The following NFX1 variants were observed in gnomAD, a reference collection of about 807,000 sequenced individuals.
NFX1 encodes the protein nuclear transcription factor, X-box binding 1.
In NFX1, 69 loss-of-function variants were observed where a neutral mutation model predicts 137.2. That is an observed-to-expected ratio of 0.50 (90% CI 0.41 to 0.61). The LOEUF (loss-of-function observed/expected upper bound fraction) is 0.61. Among genes scored for constraint, NFX1 ranks in the 20% least tolerant of loss-of-function variants. NFX1 has a pLI of 0.00. For synonymous variants in NFX1, 495 were observed against 474.1 expected (o/e 1.04, Z -0.57); for missense variants, 1,167 against 1,391.0 (o/e 0.84, Z 2.56).
intron 9 of NFX1, among the ~76,000 whole-genome samples, chr9:33,319,597 A>C (rs752331742): frequency 2.6e-5 from 4 of 151,652 alleles, no homozygotes; most frequent in Admixed American, 6.6e-5. Flanking sequence ...GCAGCCTCTG[A>C]CTCCTGGGCT....
chr9:33,355,425 A>G (rs1037333630), intron 19 of NFX1, among the ~76,000 whole-genome samples: 1 of 152,188 alleles, frequency 6.6e-6, no homozygotes, highest in South Asian at 2.1e-4. Flanking sequence ...TTTGAACTTT[A>G]TGTAAGTGAT....
chr9:33,313,181 A>G lies in NFX1; in HGVS notation c.1449-473A>G, dbSNP rs548811336. Among the ~76,000 whole-genome samples the G allele has an allele frequency of 2.6e-5, 4 of 152,280 alleles. 1 individual carries two copies. The highest frequency in any genetic ancestry group is 9.6e-5 in the African/African-American group (4 of 41,546). On this transcript the variant is annotated intron_variant, in intron 6 of 23. Transcript: ENST00000379540. ...CTCCTTACGCATGCTGCTTCATGGA[A>G]CTCAGAGATGAAATCACATAAAGCA...
intron 14 of NFX1, among the ~76,000 whole-genome samples, chr9:33,345,090 A>G (rs1823367952): frequency 6.6e-6 from 1 of 152,028 alleles, no homozygotes. Flanking sequence ...TGAATCCGGG[A>G]GGCAGAGGTT....
intron 9 of NFX1, among the ~76,000 whole-genome samples, chr9:33,319,574 A>G (rs1030377624): frequency 2.6e-5 from 4 of 152,096 alleles, no homozygotes; most frequent in Admixed American, 1.3e-4. Context: ...CAGTGGTAGG[A>G]TCTCAGCTCA....
intron 12 of NFX1, among the ~76,000 whole-genome samples, chr9:33,340,566 T>C (rs1823183888): frequency 6.6e-6 from 1 of 152,254 alleles, no homozygotes; most frequent in Non-Finnish European, 1.5e-5. Flanking sequence ...TTGTCACTTA[T>C]GCAAATTTCT....
At chr9:33,346,205 C>T (rs187908075) in intron 14 of NFX1, among the ~76,000 whole-genome samples, 3 of 152,324 alleles carry the variant, frequency 2.0e-5, no homozygotes, top group African/African-American at 7.2e-5. Flanking sequence ...CAGTCCCCAC[C>T]GATTGCCTCC....
At chr9:33,305,790 A>G (rs753616198) in intron 4 of NFX1, among the ~76,000 whole-genome samples, 1 of 152,254 alleles carries the variant, frequency 6.6e-6, no homozygotes, top group East Asian at 1.9e-4. Flanking sequence ...GACAGTGACT[A>G]CAGTTTAGAA....
rs1822239788 is a variant in NFX1, at chr9:33,318,043, A to C, written c.1589-688A>C. Among the ~76,000 whole-genome samples the C allele has an allele frequency of 2.0e-5, 3 of 147,740 alleles. No homozygotes were observed. In the Admixed American group the frequency reaches 2.0e-4, roughly 10 times the overall value. On this transcript the variant is annotated intron_variant, in intron 7 of 23. Coordinates refer to ENST00000379540, the MANE Select transcript of NFX1 (RefSeq NM_002504.6). ...ACCTTTTGGTTCTGTTTAATGTACG[A>C]TTTTATTTTATGAGTATTATTTTTA...
chr9:33,354,799 G>A (rs1482845490), intron 18 of NFX1, 52 bp from the exon 19 acceptor site: 6 of 1,532,552 alleles, frequency 3.9e-6, no homozygotes, highest in Non-Finnish European at 5.3e-6. Context: ...TGCTGGATGG[G>A]AGCTGTACAG....
At chr9:33,350,338 A>G (rs1203673251) in intron 15 of NFX1, among the ~76,000 whole-genome samples, 1 of 151,904 alleles carries the variant, frequency 6.6e-6, no homozygotes, top group African/African-American at 2.4e-5. Flanking sequence ...ATAAAACGAA[A>G]AAATGGCCCT....
At chr9:33,328,213 C>CA (rs1440066646) in intron 9 of NFX1, among the ~76,000 whole-genome samples, 1 of 150,256 alleles carries the variant, frequency 6.7e-6, no homozygotes, top group Non-Finnish European at 1.5e-5. Flanking sequence ...TTTTGGTAGA[C>CA]ACAGGGTTTC....
chr9:33,331,107 A>G (rs1177519156), intron 10 of NFX1, among the ~76,000 whole-genome samples: 1 of 152,198 alleles, frequency 6.6e-6, no homozygotes, highest in African/African-American at 2.4e-5. Flanking sequence ...TGGAGCTTGC[A>G]GTGAACCGAG....
At chr9:33,354,270 C>A in intron 18 of NFX1, 83 bp downstream of exon 18, 4 of 1,109,396 alleles carry the variant, frequency 3.6e-6, no homozygotes, top group Non-Finnish European at 5.2e-6. Flanking sequence ...TTATCTCAAT[C>A]CTTCATAGTA....
chr9:33,339,329 A>G (rs1226707411), intron 12 of NFX1, among the ~76,000 whole-genome samples: 1 of 152,184 alleles, frequency 6.6e-6, no homozygotes, highest in Admixed American at 6.5e-5. Context: ...TCTCACATGG[A>G]TAGCAGCAGG....
At chr9:33,363,301 T>A (rs4008680) in intron 19 of NFX1, among the ~76,000 whole-genome samples, 3 of 136,318 alleles carry the variant, frequency 2.2e-5, no homozygotes, top group South Asian at 2.3e-4. Context: ...TATTATTATT[T>A]TTAGACAGAG....
chr9:33,314,404 T>C (rs1822079062), intron 7 of NFX1, among the ~76,000 whole-genome samples: 1 of 152,042 alleles, frequency 6.6e-6, no homozygotes, highest in Non-Finnish European at 1.5e-5. Context: ...TGGCCGGGCA[T>C]AGTGGCTCAT....
At chr9:33,360,522 G>A (rs758240993) in intron 19 of NFX1, among the ~76,000 whole-genome samples, 1 of 152,132 alleles carries the variant, frequency 6.6e-6, no homozygotes, top group African/African-American at 2.4e-5. Flanking sequence ...ATGACATAAT[G>A]ACCCTTACTG....
In NFX1 at chr9:33,369,937, A is replaced by G; in HGVS notation, c.3322A>G (p.Thr1108Ala). Residue 1108 changes from threonine (T) to alanine (A), a missense_variant, in exon 24 of 24, where the codon ACC becomes GCC. Transcript: ENST00000379540. ...NPGSSNLQKI[T>A]KEPIIDYFDV... ...TGGGAGCAGTAATTTACAGAAAATA[A>G]CCAAGGAGCCAATAATTGACTATTT... 6.2e-7 allele frequency: 1 copy of G among 1,613,726 alleles called. No individual in the cohort carries two copies.
chr9:33,352,655 C>T lies in NFX1; in HGVS notation c.2665C>T (p.Gln889Ter). 1 of 1,614,086 alleles carries T rather than the reference C, an allele frequency of 6.2e-7. No individual in the cohort carries two copies. ...GTTCATCTGACTTCAGGTAGAGCTA[C>T]AGTGTGAATGTGGACGAAGAAAAGA... Reference protein sequence around the residue: ...VTACKAKVELQCECGRRKEMV... With the variant: ...VTACKAKVEL Residue 889 changes from glutamine (Q) to a stop codon, truncating the protein, a stop_gained, in exon 17 of 24, where the codon CAG becomes TAG. Transcript: ENST00000379540. LOFTEE classifies it high-confidence loss of function.
Sources: gnomAD v4.1 joint callset for allele counts (sites outside exome capture counted in the v4.1 genomes callset) on GRCh38, gnomAD v4.1.1 for gene constraint, MANE v1.5 for transcripts, NCBI Gene and HGNC (gene_info 2026-07-23, HGNC 2026-07-21) for gene names.